Variants in NBPF9 observed in about 807,000 individuals in gnomAD.
The protein encoded by NBPF9 is NBPF member 9, also known as NBPF family member NBPF9.
In NBPF9, 91 loss-of-function variants were observed where a neutral mutation model predicts 97.8. The ratio of observed to expected loss-of-function variants is 0.93; its 90% CI spans 0.79 to 1.11. The LOEUF is 1.11. NBPF9 is among the 50% of genes least tolerant of loss of function. NBPF9 has a pLI of 0.00. For synonymous variants in NBPF9, 334 were observed against 359.5 expected (o/e 0.93, Z 0.80); for missense variants, 992 against 939.5 (o/e 1.06, Z -0.73).
At chr1:149,076,910 T>A (rs2079923915) in intron 11 of NBPF9, among the ~76,000 whole-genome samples, 2 of 151,604 alleles carry the variant, frequency 1.3e-5, no homozygotes, top group Admixed American at 1.3e-4. Flanking sequence ...TCCTCCCACC[T>A]AAGTCTCCTG....
intron 5 of NBPF9, among the ~76,000 whole-genome samples, chr1:149,084,928 CCTG>C: frequency 1.3e-5 from 2 of 151,568 alleles, no homozygotes; most frequent in Non-Finnish European, 2.9e-5. Flanking sequence ...AGACGCTAGG[CCTG>C]CTGATGGGCA....
chr1:149,058,899 T>A (rs201408526), intron 26 of NBPF9, 26 bp downstream of exon 26: 1 of 573,222 alleles, frequency 1.7e-6, no homozygotes, highest in Non-Finnish European at 3.1e-6. Context: ...GGTGGAGGCT[T>A]ATCACCTTCA....
intron 21 of NBPF9, 54 bp downstream of exon 21, chr1:149,062,808 T>A: frequency 1.3e-6 from 1 of 742,328 alleles, no homozygotes; most frequent in Non-Finnish European, 2.5e-6. Flanking sequence ...TCCCTGGACC[T>A]GGCATCTCCA....
intron 5 of NBPF9, chr1:149,090,264 T>G (rs868954594): frequency 6.5e-6 from 1 of 154,168 alleles, no homozygotes; most frequent in African/African-American, 2.4e-5. Context: ...GGCTACTTTG[T>G]TTTTGGAAGC....
chr1:149,087,732 G>C (rs1286773035), intron 5 of NBPF9, among the ~76,000 whole-genome samples: 3 of 149,788 alleles, frequency 2.0e-5, no homozygotes, highest in Non-Finnish European at 4.4e-5. Flanking sequence ...CCATGACAAG[G>C]TTTATCTCCC....
At chr1:149,059,553 T>C (rs1193168641) in intron 25 of NBPF9, 147 bp downstream of exon 25, 1 of 456,454 alleles carries the variant, frequency 2.2e-6, no homozygotes, top group East Asian at 2.9e-5. Flanking sequence ...AACCTAAACA[T>C]CTACTGCAAT....
At chr1:149,090,649 T>A in intron 5 of NBPF9, 104 bp downstream of exon 5, 1 of 593,834 alleles carries the variant, frequency 1.7e-6, no homozygotes, top group Non-Finnish European at 3.0e-6. Flanking sequence ...AAAACTCAGC[T>A]AAGCATATGG....
At chr1:149,070,652 A>G (rs1209155521) in intron 16 of NBPF9, among the ~76,000 whole-genome samples, 2 of 151,818 alleles carry the variant, frequency 1.3e-5, no homozygotes, top group Non-Finnish European at 2.9e-5. Context: ...GACAAGAGAT[A>G]CTGAATCGAA....
Position 149,059,229 on chromosome 1 carries a change from T to C in NBPF9, c.2586-132A>G, listed in dbSNP as rs1376279939. 1.1e-5 allele frequency: 5 copies of C among 443,474 alleles called. 1 individual carries two copies. In the African/African-American group the frequency reaches 1.3e-4, roughly 12 times the overall value. The allele number at this position is 443,474 out of a possible 1,614,324, so 27.5% of individuals were successfully genotyped here. A position where few individuals can be genotyped will look rare whatever the true frequency, so the allele number is the denominator to read the frequency against. ...ACAGATCCATTAATGAGGTAATGAA[T>C]TATTGCCTTTAGGTTGGGATAGACC... On this transcript the variant is annotated intron_variant, in intron 25 of 29. Coordinates refer to ENST00000584027, the Ensembl canonical transcript of NBPF9.
intron 12 of NBPF9, among the ~76,000 whole-genome samples, chr1:149,074,602 T>A (rs639450): frequency 1.7e-4 from 26 of 151,086 alleles, no homozygotes; most frequent in African/African-American, 4.8e-4. Context: ...ACAGGTGAGG[T>A]AACTGAGGGA....
At chr1:149,100,122 A>G (rs1214871849) in intron 3 of NBPF9, among the ~76,000 whole-genome samples, 80 of 140,672 alleles carry the variant, frequency 5.7e-4, no homozygotes, top group Non-Finnish European at 1.0e-3. Context: ...GTAATTAAGT[A>G]TACCTAAGAA....
exon 20 of NBPF9, chr1:149,063,683 G>A (rs1553650733): frequency 6.5e-6 from 4 of 616,324 alleles, no homozygotes; most frequent in Middle Eastern, 4.2e-4. Context: ...TACGTAAAAG[G>A]CACTTCTGTA....
At chr1:149,055,892 C>T (rs200319336) in exon 30 of NBPF9, 81 of 1,611,206 alleles carry the variant, frequency 5.0e-5, no homozygotes, top group South Asian at 4.2e-4. Flanking sequence ...ATCAGCACGC[C>T]GTTGAGCCTG....
At chr1:149,087,464 T>A (rs2081106206) in intron 5 of NBPF9, among the ~76,000 whole-genome samples, 1 of 151,046 alleles carries the variant, frequency 6.6e-6, no homozygotes, top group Admixed American at 6.6e-5. Context: ...ATATTCCATT[T>A]TTTTTTTCAA....
intron 9 of NBPF9, among the ~76,000 whole-genome samples, 185 bp downstream of exon 9, chr1:149,078,822 C>G (rs1409990853): frequency 2.0e-5 from 3 of 149,562 alleles, no homozygotes; most frequent in Non-Finnish European, 4.5e-5. Flanking sequence ...ACTTGCAATA[C>G]TGTGACCTCC....
chr1:149,084,107 A>T (rs1398380278), intron 5 of NBPF9, among the ~76,000 whole-genome samples: 1 of 151,160 alleles, frequency 6.6e-6, no homozygotes, highest in African/African-American at 2.4e-5. Context: ...AACAATGAGA[A>T]CACTTGGACA....
chr1:149,065,204 G>A (rs1424268577), intron 18 of NBPF9: 3 of 690,650 alleles, frequency 4.3e-6, no homozygotes, highest in Admixed American at 4.1e-5. Flanking sequence ...ATTCAGATGA[G>A]CTGATCTGAC....
intron 3 of NBPF9, among the ~76,000 whole-genome samples, chr1:149,099,491 T>C (rs1429438676): frequency 1.3e-5 from 2 of 152,164 alleles, no homozygotes; most frequent in East Asian, 1.9e-4. Flanking sequence ...TCAATATCTG[T>C]TTCATGCCAG....
At position 149,080,017 on chromosome 1, in the gene NBPF9, C is replaced by T. The variant is rs1183124134; in HGVS notation, c.278+36G>A. 1.0e-5 allele frequency: 16 copies of T among 1,553,676 alleles called. No individual in the cohort carries two copies. The East Asian group carries it at 1.1e-4, about 11-fold the overall frequency. On this transcript the variant is annotated intron_variant, in intron 8 of 29. Transcript: ENST00000584027. ...CTGCTGTACTTCAGAGATCTACACACCTACCCGCCTGCCTCCCCCCACGGG... is the reference window on the plus strand; with the variant it reads ...CTGCTGTACTTCAGAGATCTACACATCTACCCGCCTGCCTCCCCCCACGGG...
Sources: gnomAD v4.1 joint callset for allele counts (sites outside exome capture counted in the v4.1 genomes callset) on GRCh38, gnomAD v4.1.1 for gene constraint, MANE v1.5 for transcripts, NCBI Gene and HGNC (gene_info 2026-07-23, HGNC 2026-07-21) for gene names.